Variants in TAFA1 observed in about 807,000 individuals in gnomAD.
TAFA1 encodes the protein chemokine-like protein TAFA-1.
In TAFA1, 4 loss-of-function variants were observed where a neutral mutation model predicts 18.5. The observed-to-expected ratio is 0.22, with a 90% confidence interval of 0.11 to 0.49. The LOEUF (loss-of-function observed/expected upper bound fraction) is 0.49. Among genes scored for constraint, TAFA1 ranks in the 20% least tolerant of loss-of-function variants. TAFA1 has a pLI of 0.98. For missense variants in TAFA1, 147 were observed against 169.0 expected, an observed-to-expected ratio of 0.87 and a Z score of 0.72; for synonymous variants, 56 against 55.2, an observed-to-expected ratio of 1.01 and a Z score of -0.06.
Position 68,210,513 on chromosome 3 carries a change from A to G in TAFA1, c.118+203769A>G, listed in dbSNP as rs558379334. Among the ~76,000 whole-genome samples, 16 of 152,166 alleles carry G rather than the reference A, an allele frequency of 1.1e-4. No homozygotes were observed. In the South Asian group the frequency reaches 2.9e-3, roughly 28 times the overall value. On this transcript the variant is annotated intron_variant, in intron 2 of 4. Transcript: ENST00000478136. ...ACTCACTGAATCATCTCAAAGTTCC[A>G]ATGTTTACCCTTCAGTCTAGCATAA...
At chr3:68,543,991 A>G (rs2106799382) in intron 4 of TAFA1, among the ~76,000 whole-genome samples, 1 of 152,242 alleles carries the variant, frequency 6.6e-6, no homozygotes, top group Admixed American at 6.5e-5. Flanking sequence ...CAACAGGCCA[A>G]CTTCACAAGA....
intron 2 of TAFA1, among the ~76,000 whole-genome samples, chr3:68,389,276 T>C (rs1240611864): frequency 1.3e-5 from 2 of 152,192 alleles, no homozygotes; most frequent in African/African-American, 4.8e-5. Flanking sequence ...GCTCACATTT[T>C]TTACCAGAGG....
intron 2 of TAFA1, among the ~76,000 whole-genome samples, chr3:68,078,422 A>G (rs1234679020): frequency 6.6e-6 from 1 of 152,174 alleles, no homozygotes; most frequent in Non-Finnish European, 1.5e-5. Flanking sequence ...ATTTTTGCCC[A>G]TTCAGTATGA....
intron 2 of TAFA1, among the ~76,000 whole-genome samples, chr3:68,028,156 C>T (rs959622729): frequency 5.9e-5 from 9 of 151,920 alleles, no homozygotes; most frequent in Admixed American, 5.2e-4. Flanking sequence ...AAAAATTAGC[C>T]AGGTGTGGTG....
At chr3:68,445,344 G>A (rs1392624431) in intron 3 of TAFA1, among the ~76,000 whole-genome samples, 1 of 152,124 alleles carries the variant, frequency 6.6e-6, no homozygotes, top group Admixed American at 6.5e-5. Context: ...CCAAATTTGT[G>A]TAGTGGTAGG....
chr3:68,367,635 C>T (rs1001157540), intron 2 of TAFA1, among the ~76,000 whole-genome samples: 2 of 152,064 alleles, frequency 1.3e-5, no homozygotes, highest in African/African-American at 4.8e-5. Context: ...GGTACACAAC[C>T]TCGGACACAT....
intron 2 of TAFA1, among the ~76,000 whole-genome samples, chr3:68,149,438 G>A (rs1424567924): frequency 1.3e-5 from 2 of 152,168 alleles, no homozygotes; most frequent in Non-Finnish European, 2.9e-5. Flanking sequence ...TCTGCAGAAT[G>A]TACAAGAAGC....
intron 2 of TAFA1, among the ~76,000 whole-genome samples, chr3:68,090,572 G>T (rs1276066707): frequency 1.3e-5 from 2 of 152,164 alleles, no homozygotes; most frequent in Admixed American, 1.3e-4. Flanking sequence ...ATGTCTGGTG[G>T]TGTTTTGTGC....
At chr3:68,242,835 T>C (rs915968272) in intron 2 of TAFA1, among the ~76,000 whole-genome samples, 1 of 152,088 alleles carries the variant, frequency 6.6e-6, no homozygotes, top group Non-Finnish European at 1.5e-5. Context: ...TGTGTGTGCA[T>C]TGGAAAAAGT....
intron 2 of TAFA1, among the ~76,000 whole-genome samples, chr3:68,406,577 C>A (rs527480613): frequency 5.9e-5 from 9 of 152,116 alleles, no homozygotes; most frequent in Non-Finnish European, 8.8e-5. Flanking sequence ...GAAGAAACTT[C>A]CCCTTCAGTT....
intron 2 of TAFA1, among the ~76,000 whole-genome samples, chr3:68,113,897 GTTTTT>G (rs35158174): frequency 2.2e-4 from 4 of 18,054 alleles, no homozygotes; most frequent in Non-Finnish European, 3.3e-4. Flanking sequence ...AGTTTTTTTT[GTTTTT>G]TTTTTTTTTT....
chr3:68,492,473 CTCA>C (rs955789880), intron 3 of TAFA1, among the ~76,000 whole-genome samples: 1 of 152,174 alleles, frequency 6.6e-6, no homozygotes, highest in Non-Finnish European at 1.5e-5. Flanking sequence ...TCTCCATTCC[CTCA>C]TTTCTCCCTG....
chr3:68,268,499 A>C (rs377302310), intron 2 of TAFA1, among the ~76,000 whole-genome samples: 33 of 151,742 alleles, frequency 2.2e-4, no homozygotes, highest in Non-Finnish European at 3.5e-4. Context: ...GTGATATTTG[A>C]CCTCTTTTTG....
chr3:68,543,608 G>T (rs948493241), intron 4 of TAFA1, among the ~76,000 whole-genome samples: 1 of 151,954 alleles, frequency 6.6e-6, no homozygotes, highest in African/African-American at 2.4e-5. Flanking sequence ...ATCCTTAAAT[G>T]GACTTCTACC....
chr3:68,121,493 C>A (rs572853939), intron 2 of TAFA1, among the ~76,000 whole-genome samples: 1 of 152,082 alleles, frequency 6.6e-6, no homozygotes, highest in Non-Finnish European at 1.5e-5. Context: ...AGTTCACTAA[C>A]AAGGTTTTTG....
At chr3:68,324,211 T>A (rs1483169090) in intron 2 of TAFA1, among the ~76,000 whole-genome samples, 3 of 152,184 alleles carry the variant, frequency 2.0e-5, no homozygotes, top group Non-Finnish European at 4.4e-5. Flanking sequence ...GTTTGTGGAT[T>A]GTGTTTGTTT....
chr3:68,461,703 T>C (rs566579545), intron 3 of TAFA1, among the ~76,000 whole-genome samples: 1 of 151,668 alleles, frequency 6.6e-6, no homozygotes, highest in African/African-American at 2.4e-5. Context: ...AGAAGACAGT[T>C]GCCTGTAGTC....
chr3:68,333,557 C>CA (rs1315990568), intron 2 of TAFA1, among the ~76,000 whole-genome samples: 3 of 152,050 alleles, frequency 2.0e-5, no homozygotes, highest in African/African-American at 7.2e-5. Context: ...ATCTGTACAC[C>CA]AAACCCCTGC....
chr3:68,299,763 G>A (rs1270134176), intron 2 of TAFA1, among the ~76,000 whole-genome samples: 1 of 152,176 alleles, frequency 6.6e-6, no homozygotes, highest in African/African-American at 2.4e-5. Flanking sequence ...TTGGTGTCCT[G>A]CATACCAGCT....
Sources: gnomAD v4.1 joint callset for allele counts (sites outside exome capture counted in the v4.1 genomes callset) on GRCh38, gnomAD v4.1.1 for gene constraint, MANE v1.5 for transcripts, NCBI Gene and HGNC (gene_info 2026-07-23, HGNC 2026-07-21) for gene names.